The following PMS1 variants were observed in gnomAD, a reference collection of about 807,000 sequenced individuals.
PMS1 encodes PMS1 homolog 1, mismatch repair system component.
PMS1 carries 79 observed loss-of-function variants against 93.1 expected under a neutral mutation model. That is an observed-to-expected ratio of 0.85 (90% CI 0.71 to 1.02). The LOEUF (loss-of-function observed/expected upper bound fraction) is 1.02. Ranked by LOEUF, PMS1 falls within the 50% of genes least tolerant of loss-of-function variation. The probability of loss-of-function intolerance (pLI) is 0.00; values close to 1 mark genes in which losing one functional copy is unlikely to be tolerated. For missense variants in PMS1, 1,064 were observed against 1,085.3 expected (o/e 0.98, Z 0.28); for synonymous variants, 335 against 363.4 (o/e 0.92, Z 0.89).
intron 1 of PMS1, among the ~76,000 whole-genome samples, chr2:189,788,218 G>A (rs907833542): frequency 1.3e-5 from 2 of 152,172 alleles, no homozygotes; most frequent in African/African-American, 2.4e-5. Context: ...GGATTTCCTA[G>A]CTGAGGTGGA....
chr2:189,792,490 T>A (rs2048953308), intron 2 of PMS1, among the ~76,000 whole-genome samples: 1 of 151,978 alleles, frequency 6.6e-6, no homozygotes, highest in South Asian at 2.1e-4. Flanking sequence ...TAGTATGCAC[T>A]AGGAAGGTAA....
intron 2 of PMS1, among the ~76,000 whole-genome samples, 192 bp from the exon 3 acceptor site, chr2:189,795,577 G>C (rs5742979): frequency 2.8e-4 from 42 of 152,150 alleles, no homozygotes; most frequent in African/African-American, 9.2e-4. Context: ...TGTGTCCAGA[G>C]AAAACAAGGG....
intron 3 of PMS1, among the ~76,000 whole-genome samples, chr2:189,799,038 G>A (rs1559222158): frequency 6.6e-6 from 1 of 151,998 alleles, no homozygotes; most frequent in Non-Finnish European, 1.5e-5. Context: ...TTCTCCATTG[G>A]TCACTTTCTA....
chr2:189,786,457 TG>T (rs1198114338), intron 1 of PMS1, among the ~76,000 whole-genome samples: 1 of 152,178 alleles, frequency 6.6e-6, no homozygotes, highest in African/African-American at 2.4e-5. Context: ...GAGAGATGAC[TG>T]GGTGGCAGGA....
intron 3 of PMS1, among the ~76,000 whole-genome samples, chr2:189,798,757 A>G (rs4920659): frequency 2.5e-5 from 2 of 79,940 alleles, no homozygotes; most frequent in African/African-American, 9.1e-5. Context: ...TAAGTATTTG[A>G]TTTTTTTTTT....
intron 5 of PMS1, among the ~76,000 whole-genome samples, chr2:189,823,057 AT>A (rs1265322529): frequency 1.3e-5 from 2 of 151,704 alleles, no homozygotes; most frequent in Non-Finnish European, 1.5e-5. Context: ...TATAAAGGGG[AT>A]TTTTTTCATC....
Position 189,873,598 on chromosome 2 carries a change from A to G in PMS1, c.2576A>G (p.Asn859Ser), listed in dbSNP as rs768453779. 1 of 1,606,146 alleles carries G rather than the reference A, an allele frequency of 6.2e-7. No individual in the cohort carries two copies. The highest frequency in any genetic ancestry group is 1.3e-5 in the African/African-American group (1 of 74,912). Residue 859 changes from asparagine (N) to serine (S), a missense_variant, in exon 12 of 13, where the codon AAC becomes AGC. Transcript: ENST00000441310. ...DLKEILNAIL[N>S]RNAKEVYECR... ...AAAGAAATTCTTAATGCTATATTAAACAGAAATGCAAAGGAAGTTTATGAA... is the reference window on the plus strand; with the variant it reads ...AAAGAAATTCTTAATGCTATATTAAGCAGAAATGCAAAGGAAGTTTATGAA...
chr2:189,824,284 A>G (rs1296362050), intron 5 of PMS1, among the ~76,000 whole-genome samples: 2 of 152,118 alleles, frequency 1.3e-5, no homozygotes, highest in Non-Finnish European at 2.9e-5. Flanking sequence ...AACAATACTT[A>G]AAAATATATT....
chr2:189,797,625 G>T (rs1378013070), intron 3 of PMS1, among the ~76,000 whole-genome samples: 1 of 152,158 alleles, frequency 6.6e-6, no homozygotes, highest in African/African-American at 2.4e-5. Flanking sequence ...TGCTTAGGCT[G>T]GCAGACCCTA....
chr2:189,854,212 C>A (rs2106459747), intron 8 of PMS1, 27 bp from the exon 9 acceptor site: 1 of 1,537,288 alleles, frequency 6.5e-7, no homozygotes, highest in South Asian at 1.2e-5. Flanking sequence ...ATAATTTCCC[C>A]TAACATTTGT....
rs1350830655 is a variant in PMS1 at position 189,864,065 on chromosome 2, A to T, written c.2179A>T (p.Ile727Phe). Residue 727 changes from isoleucine to phenylalanine, a missense_variant, in exon 10 of 13, where the codon ATC becomes TTC. Coordinates refer to ENST00000441310, the MANE Select transcript of PMS1 (RefSeq NM_000534.5). ...DLEEKDEPCL[I>F]HNLRFPDAWL... is the part of the protein sequence containing the mutation. ...AGAAGAGAAGGATGAACCTTGCTTG[A>T]TCCACAATCTCAGGTTTCCTGATGC... 1 of 1,613,488 alleles carries T rather than the reference A, an allele frequency of 6.2e-7. No homozygotes were observed. The highest frequency in any genetic ancestry group is 1.3e-5 in the African/African-American group (1 of 74,906).
At position 189,866,872 on chromosome 2, in the gene PMS1, A is replaced by G. The variant is rs561537454; in HGVS notation, c.2343-927A>G. Among the ~76,000 whole-genome samples the G allele has an allele frequency of 3.3e-5, 5 of 152,312 alleles. 1 individual carries two copies. In the South Asian group the frequency reaches 8.3e-4, roughly 25 times the overall value. Reference sequence around the variant, plus strand: ...GAGCCTGCACCATTAATTGCTATACAGTATCATAATCATCACCACCACCAC... The same window carrying G: ...GAGCCTGCACCATTAATTGCTATACGGTATCATAATCATCACCACCACCAC... On this transcript the variant is annotated intron_variant, in intron 10 of 12. Coordinates refer to ENST00000441310, the MANE Select transcript of PMS1 (RefSeq NM_000534.5).
chr2:189,827,891 A>AAACTGGAGGG (rs2052575203), intron 5 of PMS1, among the ~76,000 whole-genome samples: 1 of 151,844 alleles, frequency 6.6e-6, no homozygotes, highest in African/African-American at 2.4e-5. Flanking sequence ...ATGGGGATAA[A>AAACTGGAGGG]GTTATGGTTA....
chr2:189,816,504 CTTTCT>C (rs1348412416), intron 4 of PMS1, among the ~76,000 whole-genome samples: 4 of 152,072 alleles, frequency 2.6e-5, no homozygotes, highest in African/African-American at 9.7e-5. Flanking sequence ...GTAGAATGTA[CTTTCT>C]TTTTTCTTCC....
chr2:189,849,120 C>T (rs1408127344), intron 6 of PMS1, among the ~76,000 whole-genome samples: 1 of 151,788 alleles, frequency 6.6e-6, no homozygotes, highest in Admixed American at 6.6e-5. Flanking sequence ...TTTCCTCCTG[C>T]AGGGACCCCA....
chr2:189,827,793 G>A (rs575716091), intron 5 of PMS1, among the ~76,000 whole-genome samples: 1 of 152,108 alleles, frequency 6.6e-6, no homozygotes, highest in South Asian at 2.1e-4. Flanking sequence ...ATCTAAGAAA[G>A]TTGATTTCAT....
In PMS1 at chr2:189,854,344, A is replaced by G. The variant is rs1401358453; in HGVS notation, c.1072A>G (p.Ile358Val). The G allele has an allele frequency of 1.9e-6, 3 of 1,601,132 alleles. No individual in the cohort carries two copies. Among genetic ancestry groups the G allele is most frequent in the Non-Finnish European group, 2.6e-6 (3 of 1,172,924 alleles). ...TAAAACAGATGTTTCCGCAGCTGAC[A>G]TCGTTCTTAGTAAAACAGCAGAAAC... ...NNKTDVSAADIVLSKTAETDV... is the reference protein window; with the variant it reads ...NNKTDVSAADVVLSKTAETDV... The change falls in exon 9 of 13, where the codon ATC becomes GTC. Residue 358 changes from isoleucine (I) to valine (V), a missense_variant. By Grantham distance (29) the Ile-to-Val change is conservative (BLOSUM62 3). Coordinates refer to ENST00000441310, the MANE Select transcript of PMS1 (RefSeq NM_000534.5).
chr2:189,864,044 G>T lies in PMS1; in HGVS notation c.2158G>T (p.Glu720Ter), dbSNP rs2056316243. The change falls in exon 10 of 13, where the codon GAG becomes TAG. Residue 720 changes from glutamate to a stop codon, truncating the protein, a stop_gained. Coordinates refer to ENST00000441310, the MANE Select transcript of PMS1 (RefSeq NM_000534.5). LOFTEE classifies it high-confidence loss of function. Reference protein sequence around the residue: ...FKKQNKVDLEEKDEPCLIHNL... With the variant: ...FKKQNKVDLE ...GAAACAAAACAAAGTTGACTTAGAA[G>T]AGAAGGATGAACCTTGCTTGATCCA... 1.2e-6 allele frequency: 2 copies of T among 1,612,272 alleles called. No homozygotes were observed. The highest frequency in any genetic ancestry group is 4.5e-5 in the East Asian group (2 of 44,850).
chr2:189,855,508 C>T (rs1184943714), intron 9 of PMS1, among the ~76,000 whole-genome samples: 1 of 151,700 alleles, frequency 6.6e-6, no homozygotes, highest in African/African-American at 2.4e-5. Context: ...TGCATTGGAA[C>T]AGTTGTAACT....
Sources: allele counts gnomAD v4.1 joint callset (sites outside exome capture counted in the v4.1 genomes callset), GRCh38; gene constraint gnomAD v4.1.1; transcripts MANE v1.5; gene names NCBI Gene and HGNC (gene_info 2026-07-23, HGNC 2026-07-21).